PCDHA5: variants seen among roughly 807,000 people sequenced by gnomAD.
PCDHA5 encodes protocadherin alpha-5.
Under a neutral mutation model 61.6 loss-of-function variants are expected in PCDHA5, and 43 were observed. That is an observed-to-expected ratio of 0.70 (90% CI 0.55 to 0.90). The LOEUF (loss-of-function observed/expected upper bound fraction) is 0.90, where lower values mean the gene tolerates loss of function less well. Among genes scored for constraint, PCDHA5 ranks in the 40% least tolerant of loss-of-function variants. The pLI is 0.00. For synonymous variants in PCDHA5, 627 were observed against 543.9 expected (o/e 1.15, Z -2.13); for missense variants, 1,298 against 1,222.7 (o/e 1.06, Z -0.92).
intron 1 of PCDHA5, chr5:140,842,145 G>T (rs2150330392): frequency 6.2e-7 from 1 of 1,613,710 alleles, no homozygotes; most frequent in Non-Finnish European, 8.5e-7. Context: ...GGAGCCAATG[G>T]GGCAATTTCA....
chr5:140,848,301 G>A (rs2150408358), intron 1 of PCDHA5: 1 of 676,876 alleles, frequency 1.5e-6, no homozygotes, highest in Non-Finnish European at 2.5e-6. Flanking sequence ...GCCACGTGAT[G>A]TCACTCTTTG....
At chr5:140,997,099 A>G (rs1554255700) in intron 3 of PCDHA5, among the ~76,000 whole-genome samples, 6 of 152,108 alleles carry the variant, frequency 3.9e-5, no homozygotes. Context: ...CAGAGTTCTC[A>G]TGCACTCCTG....
chr5:140,935,605 T>C (rs1554210594), intron 1 of PCDHA5, among the ~76,000 whole-genome samples: 4 of 152,228 alleles, frequency 2.6e-5, no homozygotes. Flanking sequence ...AGAGCTAGGC[T>C]TTTTTCAAGT....
chr5:140,890,737 T>C (rs926717911), intron 1 of PCDHA5, among the ~76,000 whole-genome samples: 1 of 152,240 alleles, frequency 6.6e-6, no homozygotes. Flanking sequence ...TTGACTTATA[T>C]ACTATTTCTG....
At chr5:140,858,250 G>C in intron 1 of PCDHA5, 1 of 1,596,872 alleles carries the variant, frequency 6.3e-7, no homozygotes, top group Non-Finnish European at 8.6e-7. Flanking sequence ...GGCCGGTGAA[G>C]CCCACGCTGG....
chr5:140,942,679 G>C (rs549826522), intron 1 of PCDHA5, among the ~76,000 whole-genome samples: 1 of 152,020 alleles, frequency 6.6e-6, no homozygotes, highest in African/African-American at 2.4e-5. Context: ...AAAGTTTTAG[G>C]AATAACTTTA....
chr5:140,924,178 A>C (rs2081709408), intron 1 of PCDHA5, among the ~76,000 whole-genome samples: 3 of 152,260 alleles, frequency 2.0e-5, no homozygotes. Context: ...GCACTGAAGC[A>C]GAAAATTAGT....
chr5:140,882,153 A>C (rs1197738298), intron 1 of PCDHA5: 8 of 1,505,202 alleles, frequency 5.3e-6, no homozygotes, highest in Non-Finnish European at 7.1e-6. Flanking sequence ...CAGAAAGCGG[A>C]ATACCTCTTG....
At chr5:140,869,922 C>T in intron 1 of PCDHA5, 1 of 1,611,202 alleles carries the variant, frequency 6.2e-7, no homozygotes, top group Non-Finnish European at 8.5e-7. Flanking sequence ...ACGAAGGAGT[C>T]AATGGAGAGG....
At position 140,932,324 on chromosome 5, in the gene PCDHA5, A is replaced by C. The variant is rs188019504; in HGVS notation, c.2353-46625A>C. On this transcript the variant is annotated intron_variant, in intron 1 of 3. Coordinates refer to ENST00000529859, the MANE Select transcript of PCDHA5 (RefSeq NM_018908.3). Reference sequence around the variant, plus strand: ...AAAGGTATAAATATATTAATGTAGCAAAAATGCATGAAACACTTACCATAC... The same window carrying C: ...AAAGGTATAAATATATTAATGTAGCCAAAATGCATGAAACACTTACCATAC... Among the ~76,000 whole-genome samples the C allele has an allele frequency of 5.8e-3, 886 of 152,084 alleles. 7 individuals are homozygous for C. The highest frequency in any genetic ancestry group is 0.021 in the African/African-American group (858 of 41,564).
intron 1 of PCDHA5, among the ~76,000 whole-genome samples, chr5:140,893,669 C>T (rs1204530639): frequency 6.6e-6 from 1 of 152,158 alleles, no homozygotes; most frequent in African/African-American, 2.4e-5. Flanking sequence ...AAAATTTCAG[C>T]ACTTTGGATA....
chr5:140,948,495 G>T (rs2094260954), intron 1 of PCDHA5, among the ~76,000 whole-genome samples: 1 of 151,424 alleles, frequency 6.6e-6, no homozygotes, highest in African/African-American at 2.4e-5. Context: ...TTCTTTCATA[G>T]ACTTTCTATT....
chr5:140,957,257 T>C (rs2095345219), intron 1 of PCDHA5, among the ~76,000 whole-genome samples: 1 of 152,184 alleles, frequency 6.6e-6, no homozygotes, highest in Admixed American at 6.5e-5. Context: ...AATTTAAATA[T>C]GTAAGCACTA....
In PCDHA5 at chr5:140,855,851, G is replaced by A. The variant is rs971470534; in HGVS notation, c.2352+31724G>A. On this transcript the variant is annotated intron_variant, in intron 1 of 3. Transcript: ENST00000529859. Reference sequence around the variant, plus strand: ...AATCGTACTTACACCTAAAGCCACCGGATGTCGCTGTCGTCCACAAAATAG... The same window carrying A: ...AATCGTACTTACACCTAAAGCCACCAGATGTCGCTGTCGTCCACAAAATAG... 16 of 668,440 alleles carry A rather than the reference G, an allele frequency of 2.4e-5. No homozygotes were observed. The East Asian group carries it at 3.9e-4, about 16-fold the overall frequency. The allele number at this position is 668,440 out of a possible 1,614,324, so 41.4% of individuals were successfully genotyped here.
At chr5:140,961,458 G>A (rs1371131275) in intron 1 of PCDHA5, among the ~76,000 whole-genome samples, 2 of 152,150 alleles carry the variant, frequency 1.3e-5, no homozygotes, top group Non-Finnish European at 2.9e-5. Context: ...TCTTGCAGCT[G>A]CCTTTCTTTT....
rs557640687 is a variant in PCDHA5 at position 140,964,686 on chromosome 5, C to T, written c.2353-14263C>T. 7.2e-5 allele frequency among the ~76,000 whole-genome samples: 11 copies of T among 151,874 alleles called. No individual in the cohort carries two copies. In the East Asian group the frequency reaches 2.1e-3, roughly 29 times the overall value. On this transcript the variant is annotated intron_variant, in intron 1 of 3. Coordinates refer to ENST00000529859, the MANE Select transcript of PCDHA5 (RefSeq NM_018908.3). ...ACAGGCCAGGTCCACAATTTGTGCA[C>T]TTGAGAGATTAAGGCCTCCGAGATC...
At position 140,927,248 on chromosome 5, in the gene PCDHA5, A is replaced by T. The variant is rs572200211; in HGVS notation, c.2353-51701A>T. On this transcript the variant is annotated intron_variant, in intron 1 of 3. Transcript: ENST00000529859. The stretch of plus-strand genomic sequence containing the variant: ...CGGATTCACGTCCTGGACACCAATG[A>T]CAACTCACCTCTCTTTCCTGCCGGC... 3.5e-5 allele frequency: 56 copies of T among 1,614,064 alleles called. No homozygotes were observed. The South Asian group carries it at 5.7e-4, about 16-fold the overall frequency.
chr5:140,980,834 C>A (rs1424222678), intron 2 of PCDHA5, among the ~76,000 whole-genome samples: 1 of 151,974 alleles, frequency 6.6e-6, no homozygotes, highest in Non-Finnish European at 1.5e-5. Context: ...AGTTGTGAAC[C>A]TAAATAATAC....
chr5:140,865,500 G>A (rs1485481097), intron 1 of PCDHA5: 1 of 152,176 alleles, frequency 6.6e-6, no homozygotes, highest in Non-Finnish European at 1.5e-5. Flanking sequence ...GGAAAACCCT[G>A]TCCTACTTTA....
Sources: allele counts gnomAD v4.1 joint callset (sites outside exome capture counted in the v4.1 genomes callset), GRCh38; gene constraint gnomAD v4.1.1; transcripts MANE v1.5; gene names NCBI Gene and HGNC (gene_info 2026-07-23, HGNC 2026-07-21).